The following WWOX variants were observed in gnomAD, a reference collection of about 807,000 sequenced individuals.
WWOX encodes the protein WW domain containing oxidoreductase, also known as WW domain-containing oxidoreductase.
A neutral mutation model predicts 46.2 loss-of-function variants in WWOX; 69 were observed. The observed-to-expected ratio is 1.49, with a 90% CI of 1.23 to 1.82. The LOEUF is 1.82. Ranked by LOEUF, WWOX falls within the 40% of genes most tolerant of loss-of-function variation. WWOX has a pLI of 0.00. For synonymous variants in WWOX, 359 were observed against 202.6 expected (o/e 1.77, Z -6.56); for missense variants, 919 against 542.6 (o/e 1.69, Z -6.89).
At chr16:79,030,620 C>G (rs1431154306) in intron 8 of WWOX, among the ~76,000 whole-genome samples, 5 of 152,200 alleles carry the variant, frequency 3.3e-5, no homozygotes, top group Non-Finnish European at 7.3e-5. Flanking sequence ...AGATTAGACA[C>G]CCTTGTTTTC....
chr16:78,666,163 A>C (rs777744077), intron 8 of WWOX, among the ~76,000 whole-genome samples: 39 of 152,058 alleles, frequency 2.6e-4, no homozygotes, highest in Non-Finnish European at 4.7e-4. Flanking sequence ...GGTGTGCCAC[A>C]GTAGTCCCAG....
intron 5 of WWOX, among the ~76,000 whole-genome samples, chr16:78,193,819 TTTATTATTA>T (rs144894203): frequency 6.7e-6 from 1 of 150,018 alleles, no homozygotes; most frequent in African/African-American, 2.4e-5. Context: ...TTAATTTTTA[TTTATTATTA>T]TTATTATTAT....
At chr16:78,658,948 C>T (rs139290073) in intron 8 of WWOX, among the ~76,000 whole-genome samples, 4 of 104,962 alleles carry the variant, frequency 3.8e-5, no homozygotes, top group African/African-American at 1.4e-4. Flanking sequence ...AAAAATTAGC[C>T]AGGTATGGTG....
At chr16:78,188,998 G>C (rs2035796873) in intron 5 of WWOX, among the ~76,000 whole-genome samples, 1 of 152,144 alleles carries the variant, frequency 6.6e-6, no homozygotes, top group African/African-American at 2.4e-5. Flanking sequence ...GGGGCAGGAA[G>C]GTAAAATTTG....
At chr16:78,457,609 C>T (rs111683869) in intron 8 of WWOX, among the ~76,000 whole-genome samples, 77 of 152,052 alleles carry the variant, frequency 5.1e-4, no homozygotes, top group African/African-American at 1.1e-3. Flanking sequence ...CTGCAGAGGA[C>T]GCACATGAAA....
At chr16:78,565,559 T>C (rs1444581463) in intron 8 of WWOX, among the ~76,000 whole-genome samples, 1 of 152,240 alleles carries the variant, frequency 6.6e-6, no homozygotes, top group African/African-American at 2.4e-5. Context: ...TCATTGGGAA[T>C]ACCCAGATAA....
intron 8 of WWOX, among the ~76,000 whole-genome samples, chr16:79,130,014 G>A (rs2150693377): frequency 6.6e-6 from 1 of 152,332 alleles, no homozygotes. Flanking sequence ...TATTTACAGA[G>A]AGCTTACTCC....
chr16:79,123,677 T>A (rs2049688587), intron 8 of WWOX, among the ~76,000 whole-genome samples: 1 of 152,010 alleles, frequency 6.6e-6, no homozygotes, highest in Admixed American at 6.5e-5. Context: ...CCACAGCCAA[T>A]TGCAATCTGG....
intron 5 of WWOX, among the ~76,000 whole-genome samples, chr16:78,172,218 C>G (rs376288570): frequency 6.6e-6 from 1 of 152,150 alleles, no homozygotes; most frequent in South Asian, 2.1e-4. Context: ...CTAAAAAGTA[C>G]ATCCGCTGCG....
intron 8 of WWOX, chr16:78,873,426 A>ATG (rs1407079329): frequency 6.6e-6 from 1 of 151,858 alleles, no homozygotes; most frequent in Non-Finnish European, 1.5e-5. Flanking sequence ...CATCTAGCAG[A>ATG]TGTGGTAAGA....
chr16:78,945,526 T>C (rs2045931838), intron 8 of WWOX, among the ~76,000 whole-genome samples: 1 of 152,236 alleles, frequency 6.6e-6, no homozygotes, highest in Non-Finnish European at 1.5e-5. Context: ...TGTTACTGTT[T>C]ATATACCCGG....
intron 8 of WWOX, among the ~76,000 whole-genome samples, chr16:79,129,844 A>G (rs2049839714): frequency 6.6e-6 from 1 of 152,212 alleles, no homozygotes; most frequent in Non-Finnish European, 1.5e-5. Context: ...AGCCTGGGTC[A>G]AATTGGTGCT....
In WWOX at chr16:78,461,060, T is replaced by C. The variant is rs551655719; in HGVS notation, c.1056+28308T>C. Among the ~76,000 whole-genome samples, 4 of 152,346 alleles carry C rather than the reference T, an allele frequency of 2.6e-5. No individual in the cohort carries two copies. In the South Asian group the frequency reaches 8.3e-4, roughly 32 times the overall value. On this transcript the variant is annotated intron_variant, in intron 8 of 8. Transcript: ENST00000566780. ...CAGTGTTGGTGGTTGTTGAAGTGTATGACTATTACTGTGTTGCTTTGGAAG... is the reference window on the plus strand; with the variant it reads ...CAGTGTTGGTGGTTGTTGAAGTGTACGACTATTACTGTGTTGCTTTGGAAG...
chr16:78,438,448 G>A (rs542753897), intron 8 of WWOX, among the ~76,000 whole-genome samples: 4 of 143,112 alleles, frequency 2.8e-5, no homozygotes, highest in African/African-American at 5.7e-5. Context: ...TGCCACCACC[G>A]CCAACCCCAC....
intron 8 of WWOX, among the ~76,000 whole-genome samples, chr16:78,604,106 T>G (rs977646462): frequency 3.9e-5 from 6 of 152,120 alleles, no homozygotes; most frequent in African/African-American, 1.2e-4. Context: ...ATCACGCCAC[T>G]GAATTCTAGC....
chr16:78,293,530 C>T lies in WWOX; in HGVS notation c.517-93330C>T, dbSNP rs72790084. Among the ~76,000 whole-genome samples the T allele has an allele frequency of 1.5e-3, 226 of 152,174 alleles. 1 individual carries two copies. The highest frequency in any genetic ancestry group is 3.4e-3 in the Middle Eastern group (1 of 294). On this transcript the variant is annotated intron_variant, in intron 5 of 8. Transcript: ENST00000566780. ...TGGATCACTTGTCTTCTCCTCTGAGCGGGAACTGGGCAATTGGAGGTTCTT... is the reference window on the plus strand; with the variant it reads ...TGGATCACTTGTCTTCTCCTCTGAGTGGGAACTGGGCAATTGGAGGTTCTT...
chr16:78,796,944 G>A (rs986511868), intron 8 of WWOX, among the ~76,000 whole-genome samples: 1 of 151,548 alleles, frequency 6.6e-6, no homozygotes, highest in East Asian at 1.9e-4. Context: ...TCCTGCCTCA[G>A]CCTTCCAAGT....
chr16:78,198,587 G>C (rs1302583896), intron 5 of WWOX, among the ~76,000 whole-genome samples: 1 of 152,094 alleles, frequency 6.6e-6, no homozygotes, highest in Admixed American at 6.5e-5. Context: ...ATGCTCTCGT[G>C]GCTGCTTCCT....
chr16:78,782,503 A>G (rs917375890), intron 8 of WWOX, among the ~76,000 whole-genome samples: 3 of 152,202 alleles, frequency 2.0e-5, no homozygotes, highest in Non-Finnish European at 2.9e-5. Context: ...AGGAAAAATC[A>G]TCCAAACTAC....
Sources: allele counts gnomAD v4.1 joint callset (sites outside exome capture counted in the v4.1 genomes callset), GRCh38; gene constraint gnomAD v4.1.1; transcripts MANE v1.5; gene names NCBI Gene and HGNC (gene_info 2026-07-23, HGNC 2026-07-21).